The following KCNMA1 variants were observed in gnomAD, a reference collection of about 807,000 sequenced individuals.
The protein encoded by KCNMA1 is potassium calcium-activated channel subfamily M alpha 1.
Under a neutral mutation model 140.0 loss-of-function variants are expected in KCNMA1, and 29 were observed. The observed-to-expected ratio is 0.21, with a 90% CI of 0.15 to 0.28. The LOEUF (loss-of-function observed/expected upper bound fraction) is 0.28, where lower values mean the gene tolerates loss of function less well. Among genes scored for constraint, KCNMA1 ranks in the 10% least tolerant of loss-of-function variants. The probability of loss-of-function intolerance (pLI) is 1.00; values close to 1 mark genes in which losing one functional copy is unlikely to be tolerated. For synonymous variants in KCNMA1, 612 were observed against 611.9 expected (o/e 1.00, Z 0.00); for missense variants, 880 against 1,602.2 (o/e 0.55, Z 7.70).
At chr10:76,992,146 T>TG (rs2082951435) in intron 19 of KCNMA1, among the ~76,000 whole-genome samples, 1 of 152,174 alleles carries the variant, frequency 6.6e-6, no homozygotes, top group Non-Finnish European at 1.5e-5. Flanking sequence ...TAGAAAAGGC[T>TG]GGGGGAGTTT....
chr10:77,061,724 T>G (rs1384013161), intron 14 of KCNMA1, among the ~76,000 whole-genome samples: 1 of 152,236 alleles, frequency 6.6e-6, no homozygotes, highest in Non-Finnish European at 1.5e-5. Context: ...ATCGACTGTA[T>G]TCATGATCGC....
chr10:77,041,042 T>A (rs2094639642), intron 14 of KCNMA1, among the ~76,000 whole-genome samples: 1 of 152,072 alleles, frequency 6.6e-6, no homozygotes, highest in Non-Finnish European at 1.5e-5. Context: ...AGTACAGTGG[T>A]GGGATCTCAG....
chr10:77,008,657 G>A (rs11001967), intron 18 of KCNMA1, among the ~76,000 whole-genome samples: 64,053 of 152,106 alleles, frequency 0.42, 13,613 homozygotes, highest in Middle Eastern at 0.54. Context: ...AAAGGGGAAG[G>A]CTGGGTTGGG....
chr10:77,265,480 T>G (rs1280974567), intron 2 of KCNMA1, among the ~76,000 whole-genome samples: 1 of 152,234 alleles, frequency 6.6e-6, no homozygotes, highest in Admixed American at 6.5e-5. Context: ...ATATTCTTTT[T>G]CTTTGAACAT....
intron 16 of KCNMA1, chr10:77,022,965 C>A: frequency 2.2e-6 from 1 of 455,374 alleles, no homozygotes; most frequent in South Asian, 1.6e-5. Context: ...TTGATTTCAA[C>A]ATTGAAAGCA....
At chr10:77,556,990 C>A (rs2064751925) in intron 1 of KCNMA1, among the ~76,000 whole-genome samples, 1 of 152,200 alleles carries the variant, frequency 6.6e-6, no homozygotes, top group Non-Finnish European at 1.5e-5. Flanking sequence ...GATCCTCTAG[C>A]TGCAAGACCT....
chr10:77,089,282 G>A (rs1291465529), intron 10 of KCNMA1, among the ~76,000 whole-genome samples: 1 of 152,178 alleles, frequency 6.6e-6, no homozygotes, highest in East Asian at 1.9e-4. Flanking sequence ...GACCTCAGTG[G>A]AACCTCAGAG....
chr10:77,122,027 GC>G (rs2097613101), intron 5 of KCNMA1, among the ~76,000 whole-genome samples: 1 of 152,218 alleles, frequency 6.6e-6, no homozygotes, highest in South Asian at 2.1e-4. Flanking sequence ...GCAGTGCGAA[GC>G]CCTCCAGTGC....
intron 20 of KCNMA1, among the ~76,000 whole-genome samples, chr10:76,955,440 T>C (rs1377035017): frequency 4.6e-5 from 7 of 152,192 alleles, no homozygotes; most frequent in Non-Finnish European, 1.0e-4. Context: ...CCTTTATTTA[T>C]GCCTGAGAAT....
chr10:77,012,665 T>A (rs969370290), intron 17 of KCNMA1: 1 of 873,768 alleles, frequency 1.1e-6, no homozygotes, highest in African/African-American at 1.7e-5. Context: ...CCAATTCCCA[T>A]GCTATCCAGC....
chr10:77,045,685 G>A (rs141914521), intron 14 of KCNMA1, among the ~76,000 whole-genome samples: 2 of 152,152 alleles, frequency 1.3e-5, no homozygotes, highest in East Asian at 3.8e-4. Flanking sequence ...ATGGTGGGTT[G>A]GTAATGATGC....
chr10:77,172,829 T>C (rs2098720224), intron 5 of KCNMA1, among the ~76,000 whole-genome samples: 1 of 152,114 alleles, frequency 6.6e-6, no homozygotes, highest in Non-Finnish European at 1.5e-5. Flanking sequence ...GGCCGGAATG[T>C]CCCAGATCAA....
At chr10:76,913,910 G>A (rs551843350) in intron 24 of KCNMA1, 16 of 637,984 alleles carry the variant, frequency 2.5e-5, no homozygotes, top group Non-Finnish European at 4.4e-5. Context: ...ATTCCAACCA[G>A]AGCCACAAAT....
At chr10:77,313,106 CCTATCAGA>C (rs1281485100) in intron 2 of KCNMA1, among the ~76,000 whole-genome samples, 1 of 152,188 alleles carries the variant, frequency 6.6e-6, no homozygotes, top group African/African-American at 2.4e-5. Flanking sequence ...TCACCCCTAA[CCTATCAGA>C]CTCCGCGTTG....
rs1203641383 is a variant in KCNMA1 at position 77,489,494 on chromosome 10, C to T, written c.379-85471G>A. On this transcript the variant is annotated intron_variant, in intron 1 of 27. Coordinates refer to ENST00000286628, the MANE Select transcript of KCNMA1 (RefSeq NM_001161352.2). Reference sequence around the variant, plus strand: ...GGAATTACAGGCACCCGCTACCATACCCGGCTAATTTTGTTTGTATTTTTA... The same window carrying T: ...GGAATTACAGGCACCCGCTACCATATCCGGCTAATTTTGTTTGTATTTTTA... Among the ~76,000 whole-genome samples, 3 of 152,158 alleles carry T rather than the reference C, an allele frequency of 2.0e-5. No homozygotes were observed. In the East Asian group the frequency reaches 5.8e-4, roughly 29 times the overall value.
chr10:76,986,153 A>G (rs551818431), intron 19 of KCNMA1, among the ~76,000 whole-genome samples: 51 of 152,168 alleles, frequency 3.4e-4, no homozygotes, highest in Non-Finnish European at 6.6e-4. Flanking sequence ...GCGAGTGTGT[A>G]GCCCATTCAG....
chr10:77,282,633 T>C (rs1239599208), intron 2 of KCNMA1, among the ~76,000 whole-genome samples: 3 of 152,138 alleles, frequency 2.0e-5, no homozygotes, highest in Non-Finnish European at 4.4e-5. Flanking sequence ...GGAATAATTG[T>C]GCATCCTTCC....
chr10:77,032,714 T>C (rs12244239), intron 15 of KCNMA1, among the ~76,000 whole-genome samples: 2,776 of 151,900 alleles, frequency 0.018, 99 homozygotes, highest in African/African-American at 0.063. Flanking sequence ...GACAACGACA[T>C]TATACAAAGC....
At chr10:77,511,463 C>A (rs992271135) in intron 1 of KCNMA1, among the ~76,000 whole-genome samples, 2 of 152,192 alleles carry the variant, frequency 1.3e-5, no homozygotes, top group Non-Finnish European at 2.9e-5. Context: ...GAAAAGAGCA[C>A]GTTTGCAAGT....
Sources: gnomAD v4.1 joint callset for allele counts (sites outside exome capture counted in the v4.1 genomes callset) on GRCh38, gnomAD v4.1.1 for gene constraint, MANE v1.5 for transcripts, NCBI Gene and HGNC (gene_info 2026-07-23, HGNC 2026-07-21) for gene names.